Variants in XIAP observed in about 807,000 individuals in gnomAD.
XIAP encodes the protein X-linked inhibitor of apoptosis.
XIAP carries 3 observed loss-of-function variants against 33.1 expected under a neutral mutation model. That is an observed-to-expected ratio of 0.09 (90% CI 0.04 to 0.23). The LOEUF is 0.23. Among genes scored for constraint, XIAP ranks in the 10% least tolerant of loss-of-function variants. XIAP has a pLI of 1.00. For synonymous variants in XIAP, 98 were observed against 121.3 expected (o/e 0.81, Z 1.26); for missense variants, 264 against 363.0 (o/e 0.73, Z 2.22).
rs886368214 is a variant in XIAP at position 123,913,853 on chromosome X, C to G, written c.*6672C>G. On this transcript the variant is annotated 3_prime_UTR_variant, in exon 7 of 7. Transcript: ENST00000371199. The stretch of plus-strand genomic sequence containing the variant: ...TTTTATGGTTTTTTTCACTTAGAAC[C>G]TTTCTGTGTGGAAAACTAAGAAAAT... 6.4e-6 allele frequency: 2 copies of G among 314,571 alleles called. No homozygotes were observed. The highest frequency in any genetic ancestry group is 9.9e-5 in the East Asian group (1 of 10,127). 25.9% of individuals were successfully genotyped at this position (314,571 alleles called of 1,213,427 possible). A position where few individuals can be genotyped will look rare whatever the true frequency, so the allele number is the denominator to read the frequency against.
At chrX:123,899,144 A>AAAAAAAAAAAAATATAT (rs1186271285) in intron 5 of XIAP, among the ~76,000 whole-genome samples, 1 of 50,184 alleles carries the variant, frequency 2.0e-5, no homozygotes, top group African/African-American at 8.4e-5. Flanking sequence ...AAAAAAAAAA[A>AAAAAAAAAAAAATATAT]ATATATATAT....
rs761489362 is a variant in XIAP, at chrX:123,900,623, G to A, written c.1230G>A (p.Leu410=). 67 of 1,209,276 alleles carry A rather than the reference G, an allele frequency of 5.5e-5. No homozygotes were observed. The South Asian group carries it at 1.1e-3, about 20-fold the overall frequency. The change falls in exon 6 of 7, where the codon CTG becomes CTA. Residue 410 remains leucine (L), a synonymous_variant. Transcript: ENST00000371199. ...SGSNYKSLEV[L]VADLVNAQKD... ...GCAACTATAAATCACTTGAGGTTCT[G>A]GTTGCAGATCTAGTGAATGCTCAGA...
At chrX:123,873,523 C>T (rs1337695594) in intron 1 of XIAP, among the ~76,000 whole-genome samples, 1 of 108,723 alleles carries the variant, frequency 9.2e-6, no homozygotes, top group East Asian at 3.0e-4. Flanking sequence ...CACGGTGGCT[C>T]ACGCCTGTAA....
At chrX:123,867,190 C>T (rs973781091) in intron 1 of XIAP, among the ~76,000 whole-genome samples, 1 of 106,308 alleles carries the variant, frequency 9.4e-6, no homozygotes, top group East Asian at 3.0e-4. Context: ...CTACCTCAGC[C>T]TCTCTAAGTA....
At chrX:123,881,192 A>G (rs150464612) in intron 1 of XIAP, among the ~76,000 whole-genome samples, 187 of 111,234 alleles carry the variant, frequency 1.7e-3, no homozygotes, top group African/African-American at 5.9e-3. Flanking sequence ...TTCACAGAGA[A>G]GCCTTAAATT....
intron 3 of XIAP, among the ~76,000 whole-genome samples, chrX:123,890,118 G>A (rs1411697791): frequency 3.5e-5 from 3 of 86,711 alleles, no homozygotes; most frequent in East Asian, 4.1e-4. Context: ...CCGGGTTCAC[G>A]CCATTCTCCT....
rs1226148384 is a variant in XIAP at position 123,886,375 on chromosome X, G to A, written c.713G>A (p.Arg238Gln). The A allele has an allele frequency of 8.3e-6, 10 of 1,211,797 alleles. No homozygotes were observed. The highest frequency in any genetic ancestry group is 3.0e-5 in the East Asian group (1 of 33,870). Residue 238 changes from arginine (R) to glutamine (Q), a missense_variant, in exon 2 of 7, where the codon CGA becomes CAA. Physicochemically the swap from Arg to Gln is conservative, Grantham distance 43 (BLOSUM62 1). Coordinates refer to ENST00000371199, the MANE Select transcript of XIAP (RefSeq NM_001167.4). ...FFVLGRNLNI[R>Q]SESDAVSSDR... ...GTTTTGGGCCGGAATCTTAATATTC[G>A]AAGTGAATCTGATGCTGTGAGTTCT...
intron 1 of XIAP, among the ~76,000 whole-genome samples, chrX:123,883,965 A>T (rs887542688): frequency 2.7e-5 from 3 of 112,160 alleles, no homozygotes; most frequent in Non-Finnish European, 5.6e-5. Context: ...CATATAGGAA[A>T]TGATAATTCA....
intron 1 of XIAP, among the ~76,000 whole-genome samples, chrX:123,876,177 T>A (rs1217730147): frequency 9.2e-6 from 1 of 109,184 alleles, no homozygotes; most frequent in Non-Finnish European, 1.9e-5. Flanking sequence ...CCTCCCAAAG[T>A]GTTGGGATTA....
At chrX:123,877,129 G>A (rs1184506607) in intron 1 of XIAP, among the ~76,000 whole-genome samples, 2 of 107,189 alleles carry the variant, frequency 1.9e-5, no homozygotes, top group Non-Finnish European at 3.8e-5. Context: ...ACAGTGGCAT[G>A]ATCTGGGCTC....
chrX:123,861,908 C>A (rs968112046), intron 1 of XIAP, among the ~76,000 whole-genome samples: 1 of 111,363 alleles, frequency 9.0e-6, no homozygotes, highest in Non-Finnish European at 1.9e-5. Context: ...TGTTACTAGT[C>A]GTCATATATT....
At chrX:123,861,795 A>G (rs2053081665) in intron 1 of XIAP, among the ~76,000 whole-genome samples, 1 of 111,860 alleles carries the variant, frequency 8.9e-6, no homozygotes, top group Non-Finnish European at 1.9e-5. Context: ...AAAATCCGGT[A>G]TGATTCAGGT....
In XIAP at chrX:123,900,643, C is replaced by T. The variant is rs751810183; in HGVS notation, c.1250C>T (p.Ala417Val). The T allele has an allele frequency of 8.3e-7, 1 of 1,211,162 alleles. No individual in the cohort carries two copies. Among genetic ancestry groups the T allele is most frequent in the Non-Finnish European group, 1.1e-6 (1 of 895,325 alleles). Residue 417 changes from alanine (A) to valine (V), a missense_variant, in exon 6 of 7, where the codon GCT becomes GTT. Ala to Val is a moderately conservative substitution (Grantham distance 64, BLOSUM62 0). Coordinates refer to ENST00000371199, the MANE Select transcript of XIAP (RefSeq NM_001167.4). ...LEVLVADLVN[A>V]QKDSMQDESS... Reference sequence around the variant, plus strand: ...GTTCTGGTTGCAGATCTAGTGAATGCTCAGAAAGACAGTATGCAAGATGAG... The same window carrying T: ...GTTCTGGTTGCAGATCTAGTGAATGTTCAGAAAGACAGTATGCAAGATGAG...
Position 123,903,640 on chromosome X carries a change from TTTG to T in XIAP, c.1300+2950_1300+2952del, listed in dbSNP as rs1185081651. Among the ~76,000 whole-genome samples the T allele has an allele frequency of 2.4e-4, 17 of 72,146 alleles. 3 individuals are homozygous for T. The highest frequency in any genetic ancestry group is 3.4e-4 in the Non-Finnish European group (12 of 35,133). The allele number at this position is 72,146 out of a possible 115,157, so 62.7% of individuals were successfully genotyped here. A position where few individuals can be genotyped will look rare whatever the true frequency, so the allele number is the denominator to read the frequency against. On this transcript the variant is annotated intron_variant, in intron 6 of 6. Transcript: ENST00000371199. ...TTCAGTTTTTTTTTTTGTTTTGTTT[TTTG>T]TTTTTTTTAGATTTTAAAAAATTGT... is the stretch of plus-strand genomic sequence containing the variant.
At position 123,869,290 on chromosome X, in the gene XIAP, G is replaced by T. The variant is rs1237574440; in HGVS notation, c.-33+8997G>T. On this transcript the variant is annotated intron_variant, in intron 1 of 6. Transcript: ENST00000371199. Reference sequence around the variant, plus strand: ...AGCACTTTGGGTGGCCGAGGCAGGTGGATCACTTGAGGTCAGGAGTTCAAG... The same window carrying T: ...AGCACTTTGGGTGGCCGAGGCAGGTTGATCACTTGAGGTCAGGAGTTCAAG... Among the ~76,000 whole-genome samples the T allele has an allele frequency of 3.0e-5, 3 of 101,675 alleles. No individual in the cohort carries two copies. The Admixed American group carries it at 3.4e-4, about 11-fold the overall frequency. The allele number at this position is 101,675 out of a possible 115,157, so 88.3% of individuals were successfully genotyped here.
intron 6 of XIAP, among the ~76,000 whole-genome samples, chrX:123,904,600 A>G (rs1469930460): frequency 1.9e-5 from 2 of 104,006 alleles, no homozygotes; most frequent in Non-Finnish European, 4.0e-5. Flanking sequence ...GTGCTGGTAG[A>G]GTTTTGTTTT....
intron 5 of XIAP, among the ~76,000 whole-genome samples, chrX:123,895,251 T>G (rs1394124607): frequency 8.9e-6 from 1 of 112,079 alleles, no homozygotes; most frequent in African/African-American, 3.2e-5. Flanking sequence ...GTCCTCAAGG[T>G]GTATCCATGT....
intron 1 of XIAP, among the ~76,000 whole-genome samples, chrX:123,864,767 CGTGTGTGTGTGTGTGTGTGTGT>C (rs752421505): frequency 0.014 from 751 of 52,653 alleles, 24 homozygotes; most frequent in African/African-American, 0.038. Context: ...GTCGCATTCT[CGTGTGTGTGTGTGTGTGTGTGT>C]GTGTGTGTGT....
intron 5 of XIAP, among the ~76,000 whole-genome samples, chrX:123,895,614 T>C (rs1274444531): frequency 8.9e-6 from 1 of 112,181 alleles, no homozygotes. Context: ...ATCTGTCTTA[T>C]TTATCACAGC....
Sources: gnomAD v4.1 joint callset for allele counts (sites outside exome capture counted in the v4.1 genomes callset) on GRCh38, gnomAD v4.1.1 for gene constraint, MANE v1.5 for transcripts, NCBI Gene and HGNC (gene_info 2026-07-23, HGNC 2026-07-21) for gene names.